Variants in TMTC2 observed in about 807,000 individuals in gnomAD.
TMTC2 encodes the protein protein O-mannosyl-transferase TMTC2.
Under a neutral mutation model 82.4 loss-of-function variants are expected in TMTC2, and 43 were observed. The ratio of observed to expected loss-of-function variants is 0.52; its 90% confidence interval spans 0.41 to 0.67. TMTC2 has a LOEUF of 0.67. TMTC2 is among the 30% of genes least tolerant of loss of function. The pLI is 0.00. For missense variants in TMTC2, 919 were observed against 1,012.4 expected, an observed-to-expected ratio of 0.91 and a Z score of 1.25; for synonymous variants, 408 against 381.9, an observed-to-expected ratio of 1.07 and a Z score of -0.80.
At chr12:83,122,869 G>A (rs745434538) in intron 11 of TMTC2, among the ~76,000 whole-genome samples, 1 of 152,094 alleles carries the variant, frequency 6.6e-6, no homozygotes, top group African/African-American at 2.4e-5. Flanking sequence ...AGTTCTCTAG[G>A]TTTTGCATTT....
intron 1 of TMTC2, among the ~76,000 whole-genome samples, chr12:82,755,567 G>A (rs537624668): frequency 3.3e-5 from 5 of 152,082 alleles, no homozygotes; most frequent in African/African-American, 9.7e-5. Flanking sequence ...CAAGATCACC[G>A]GTGTTAGTGG....
chr12:82,714,703 G>C (rs766541644), intron 1 of TMTC2, among the ~76,000 whole-genome samples: 1 of 151,966 alleles, frequency 6.6e-6, no homozygotes, highest in East Asian at 1.9e-4. Context: ...TAGGGACCGT[G>C]AATTTTTTTT....
At chr12:82,714,713 T>A (rs1213320238) in intron 1 of TMTC2, among the ~76,000 whole-genome samples, 1 of 152,128 alleles carries the variant, frequency 6.6e-6, no homozygotes, top group South Asian at 2.1e-4. Context: ...GAATTTTTTT[T>A]AAAAGGATAA....
intron 2 of TMTC2, among the ~76,000 whole-genome samples, chr12:82,892,538 T>C (rs1201391359): frequency 1.3e-5 from 2 of 152,208 alleles, no homozygotes; most frequent in Non-Finnish European, 2.9e-5. Context: ...TTTCTGTCTT[T>C]AGAAATAAAA....
chr12:82,830,201 G>T (rs1371249346), intron 1 of TMTC2, among the ~76,000 whole-genome samples: 3 of 151,978 alleles, frequency 2.0e-5, no homozygotes, highest in African/African-American at 7.3e-5. Context: ...AATTTGAAAT[G>T]GCATTTTCAC....
chr12:82,852,478 G>GT (rs1321742354), intron 1 of TMTC2, among the ~76,000 whole-genome samples: 2 of 152,036 alleles, frequency 1.3e-5, no homozygotes, highest in South Asian at 2.1e-4. Flanking sequence ...GCCAACAATT[G>GT]TTTTTTTCCC....
At chr12:82,847,980 C>T (rs1037057164) in intron 1 of TMTC2, among the ~76,000 whole-genome samples, 1 of 152,060 alleles carries the variant, frequency 6.6e-6, no homozygotes, top group South Asian at 2.1e-4. Context: ...TTATTAGATA[C>T]ATATTGAGTA....
intron 1 of TMTC2, among the ~76,000 whole-genome samples, chr12:82,820,641 C>T (rs554020185): frequency 1.3e-5 from 2 of 152,276 alleles, no homozygotes; most frequent in African/African-American, 4.8e-5. Context: ...TCCCAAAGTG[C>T]TGGGATTACA....
intron 3 of TMTC2, among the ~76,000 whole-genome samples, chr12:82,898,090 C>T (rs1565799275): frequency 6.6e-6 from 1 of 152,140 alleles, no homozygotes; most frequent in Non-Finnish European, 1.5e-5. Flanking sequence ...ATTGCTTGTA[C>T]TTAACACTGT....
chr12:82,692,046 T>C (rs1310519194), intron 1 of TMTC2, among the ~76,000 whole-genome samples: 1 of 152,218 alleles, frequency 6.6e-6, no homozygotes, highest in Non-Finnish European at 1.5e-5. Flanking sequence ...TAAGTATATC[T>C]CATCAATAAA....
At chr12:83,026,913 T>C (rs977454420) in intron 8 of TMTC2, among the ~76,000 whole-genome samples, 22 of 152,158 alleles carry the variant, frequency 1.4e-4, no homozygotes, top group African/African-American at 4.8e-4. Flanking sequence ...AGCTTAATAC[T>C]GATCCCATGA....
intron 3 of TMTC2, among the ~76,000 whole-genome samples, chr12:82,910,602 G>C (rs1874583286): frequency 6.6e-6 from 1 of 152,198 alleles, no homozygotes; most frequent in Non-Finnish European, 1.5e-5. Context: ...TTACATGTGG[G>C]CTTGGAGAAT....
chr12:83,050,795 A>G, intron 9 of TMTC2, 109 bp from the exon 10 acceptor site: 1 of 614,276 alleles, frequency 1.6e-6, no homozygotes, highest in Non-Finnish European at 2.8e-6. Flanking sequence ...ATGTTATTAA[A>G]TCTTAGCTTC....
chr12:82,834,881 A>ATTT (rs10656983), intron 1 of TMTC2, among the ~76,000 whole-genome samples: 16 of 150,292 alleles, frequency 1.1e-4, no homozygotes, highest in African/African-American at 3.5e-4. Flanking sequence ...TCATCATTTT[A>ATTT]TTATTTTTTT....
At chr12:82,701,171 A>G (rs903452940) in intron 1 of TMTC2, among the ~76,000 whole-genome samples, 4 of 152,214 alleles carry the variant, frequency 2.6e-5, no homozygotes, top group African/African-American at 9.7e-5. Context: ...CCGTATTGTA[A>G]GAATGATTCT....
chr12:82,902,573 T>C (rs1175466144), intron 3 of TMTC2, among the ~76,000 whole-genome samples: 3 of 152,226 alleles, frequency 2.0e-5, no homozygotes, highest in Non-Finnish European at 4.4e-5. Context: ...GAACTCCTGC[T>C]TCTATTCACC....
At chr12:82,775,048 A>T (rs77791606) in intron 1 of TMTC2, among the ~76,000 whole-genome samples, 2 of 152,100 alleles carry the variant, frequency 1.3e-5, no homozygotes, top group African/African-American at 4.8e-5. Context: ...CCAAAATGTC[A>T]TTAGTAAACC....
At chr12:83,126,426 TA>T (rs1240085657) in intron 11 of TMTC2, among the ~76,000 whole-genome samples, 1 of 152,114 alleles carries the variant, frequency 6.6e-6, no homozygotes, top group Non-Finnish European at 1.5e-5. Context: ...TAAAATATAA[TA>T]AAAAACCTGC....
chr12:82,911,323 C>G (rs902482589), intron 3 of TMTC2, among the ~76,000 whole-genome samples: 3 of 151,994 alleles, frequency 2.0e-5, no homozygotes, highest in Non-Finnish European at 4.4e-5. Flanking sequence ...CCATGCCCTC[C>G]TCTACCCAGC....
Sources: allele counts gnomAD v4.1 joint callset (sites outside exome capture counted in the v4.1 genomes callset), GRCh38; gene constraint gnomAD v4.1.1; transcripts MANE v1.5; gene names NCBI Gene and HGNC (gene_info 2026-07-23, HGNC 2026-07-21).